The following KCTD16 variants were observed in gnomAD, a reference collection of about 807,000 sequenced individuals.
The protein encoded by KCTD16 is BTB/POZ domain-containing protein KCTD16.
Under a neutral mutation model 33.2 loss-of-function variants are expected in KCTD16, and 13 were observed. The ratio of observed to expected loss-of-function variants is 0.39; its 90% CI spans 0.25 to 0.62. The LOEUF (loss-of-function observed/expected upper bound fraction) is 0.62. KCTD16 is among the 20% of genes least tolerant of loss of function. The pLI, the probability that KCTD16 is intolerant of heterozygous loss-of-function variation, is 0.50. For missense variants in KCTD16, 441 were observed against 525.1 expected, an observed-to-expected ratio of 0.84 and a Z score of 1.57; for synonymous variants, 197 against 195.3, an observed-to-expected ratio of 1.01 and a Z score of -0.07.
chr5:144,201,935 G>C (rs1291157497), intron 2 of KCTD16, among the ~76,000 whole-genome samples: 1 of 152,220 alleles, frequency 6.6e-6, no homozygotes, highest in African/African-American at 2.4e-5. Context: ...GGATGTGTTA[G>C]GAGTGAGAAT....
chr5:144,373,527 A>G (rs1752016651), intron 3 of KCTD16, among the ~76,000 whole-genome samples: 1 of 152,200 alleles, frequency 6.6e-6, no homozygotes, highest in South Asian at 2.1e-4. Flanking sequence ...ATCTAGAGAT[A>G]ACTACACTTG....
At chr5:144,402,547 G>A (rs1752727476) in intron 3 of KCTD16, among the ~76,000 whole-genome samples, 1 of 152,116 alleles carries the variant, frequency 6.6e-6, no homozygotes, top group Non-Finnish European at 1.5e-5. Flanking sequence ...ACAAGTTATT[G>A]TTTCTTGACC....
At chr5:144,318,842 T>C (rs527423540) in intron 3 of KCTD16, among the ~76,000 whole-genome samples, 17 of 152,342 alleles carry the variant, frequency 1.1e-4, no homozygotes, top group Admixed American at 6.5e-4. Flanking sequence ...ATGGTTCACA[T>C]TTTAATTGCT....
At position 144,362,221 on chromosome 5, in the gene KCTD16, C is replaced by T. The variant is rs539507951; in HGVS notation, c.833-111439C>T. On this transcript the variant is annotated intron_variant, in intron 3 of 3. Coordinates refer to ENST00000512467, the MANE Select transcript of KCTD16 (RefSeq NM_020768.4). Reference sequence around the variant, plus strand: ...TTTTAGACCCCAAGAATTTCAGGGCCCAGTAGGCAAAGTTGATATCCAGGT... The same window carrying T: ...TTTTAGACCCCAAGAATTTCAGGGCTCAGTAGGCAAAGTTGATATCCAGGT... 2.6e-5 allele frequency among the ~76,000 whole-genome samples: 4 copies of T among 152,096 alleles called. No homozygotes were observed. In the South Asian group the frequency reaches 8.3e-4, roughly 32 times the overall value.
intron 3 of KCTD16, among the ~76,000 whole-genome samples, chr5:144,391,557 A>G (rs1295092200): frequency 6.6e-6 from 1 of 152,232 alleles, no homozygotes; most frequent in Non-Finnish European, 1.5e-5. Context: ...AAACAGATGT[A>G]CAGTCAGGAG....
At chr5:144,373,522 G>A (rs916936453) in intron 3 of KCTD16, among the ~76,000 whole-genome samples, 4 of 152,116 alleles carry the variant, frequency 2.6e-5, no homozygotes, top group Admixed American at 2.0e-4. Flanking sequence ...CCACTATCTA[G>A]AGATAACTAC....
intron 3 of KCTD16, among the ~76,000 whole-genome samples, chr5:144,383,735 G>C (rs1249817561): frequency 1.3e-5 from 2 of 151,812 alleles, no homozygotes; most frequent in Non-Finnish European, 2.9e-5. Context: ...ACGAATGAGA[G>C]TCATACATTG....
intron 3 of KCTD16, among the ~76,000 whole-genome samples, chr5:144,281,009 C>T (rs1205042705): frequency 6.7e-6 from 1 of 148,550 alleles, no homozygotes; most frequent in East Asian, 1.9e-4. Context: ...GAAACCCCGT[C>T]TCTACTAAAC....
At chr5:144,406,339 G>A (rs1306894323) in intron 3 of KCTD16, among the ~76,000 whole-genome samples, 1 of 152,212 alleles carries the variant, frequency 6.6e-6, no homozygotes, top group Non-Finnish European at 1.5e-5. Flanking sequence ...TGTGGCTGAA[G>A]GATGTTAGTT....
At chr5:144,260,456 T>C (rs1230191685) in intron 3 of KCTD16, among the ~76,000 whole-genome samples, 1 of 152,220 alleles carries the variant, frequency 6.6e-6, no homozygotes, top group African/African-American at 2.4e-5. Context: ...TGCAGCCTTC[T>C]GAAGAAGCAG....
At chr5:144,316,002 T>A (rs1437999330) in intron 3 of KCTD16, among the ~76,000 whole-genome samples, 2 of 152,094 alleles carry the variant, frequency 1.3e-5, no homozygotes, top group Admixed American at 6.6e-5. Flanking sequence ...TTTTTTTTTT[T>A]TTAAAAGGTC....
At chr5:144,413,516 T>C (rs1239381166) in intron 3 of KCTD16, among the ~76,000 whole-genome samples, 1 of 152,158 alleles carries the variant, frequency 6.6e-6, no homozygotes, top group Non-Finnish European at 1.5e-5. Flanking sequence ...TAGGGAAAAA[T>C]GTTCACGTGT....
rs373618175 is a variant in KCTD16, at chr5:144,485,099, TCTAA to T, written c.*10988_*10991del. The T allele has an allele frequency of 7.9e-5, 12 of 151,928 alleles. No homozygotes were observed. Among genetic ancestry groups the T allele is most frequent in the African/African-American group, 2.7e-4 (11 of 41,412 alleles). The allele number at this position is 151,928 out of a possible 1,614,324, so 9.4% of individuals were successfully genotyped here. A position where few individuals can be genotyped will look rare whatever the true frequency, so the allele number is the denominator to read the frequency against. ...CATAAACTACTGTGACTCTAATAAC[TCTAA>T]CTGTTTTTACCTTGGGATGTAACAC... On this transcript the variant is annotated 3_prime_UTR_variant, in exon 4 of 4. Transcript: ENST00000512467.
intron 3 of KCTD16, among the ~76,000 whole-genome samples, chr5:144,389,722 G>A (rs1024761597): frequency 1.3e-5 from 2 of 152,246 alleles, no homozygotes; most frequent in South Asian, 4.1e-4. Flanking sequence ...CAAAACAGTT[G>A]AGGGACAGCT....
At chr5:144,204,530 C>A (rs6887762) in intron 2 of KCTD16, among the ~76,000 whole-genome samples, 1 of 151,992 alleles carries the variant, frequency 6.6e-6, no homozygotes, top group Non-Finnish European at 1.5e-5. Context: ...CTTTTAGCAG[C>A]AGTGCCTTCC....
intron 3 of KCTD16, among the ~76,000 whole-genome samples, chr5:144,452,239 G>A (rs1753960713): frequency 1.3e-5 from 2 of 151,150 alleles, no homozygotes; most frequent in South Asian, 4.2e-4. Flanking sequence ...TCCTGAGATT[G>A]AACATGTGGC....
intron 3 of KCTD16, among the ~76,000 whole-genome samples, chr5:144,222,015 C>A (rs1319707058): frequency 6.6e-6 from 1 of 152,148 alleles, no homozygotes; most frequent in Non-Finnish European, 1.5e-5. Flanking sequence ...CTCTAATGAC[C>A]AGTGATGATG....
rs775580603 is a variant in KCTD16, at chr5:144,482,352, T to C, written c.*8238T>C. On this transcript the variant is annotated 3_prime_UTR_variant, in exon 4 of 4. Coordinates refer to ENST00000512467, the MANE Select transcript of KCTD16 (RefSeq NM_020768.4). The stretch of plus-strand genomic sequence containing the variant: ...AGAACAAGTATCTGGTGAGTACTGA[T>C]ACCCTAAGAAACTCACCGTGATAAG... 6.6e-5 allele frequency: 10 copies of C among 152,076 alleles called. No homozygotes were observed. The highest frequency in any genetic ancestry group is 1.2e-4 in the Non-Finnish European group (8 of 67,920). 9.4% of individuals were successfully genotyped at this position (152,076 alleles called of 1,614,324 possible).
At chr5:144,365,322 C>T (rs1751808376) in intron 3 of KCTD16, among the ~76,000 whole-genome samples, 1 of 152,058 alleles carries the variant, frequency 6.6e-6, no homozygotes, top group Admixed American at 6.6e-5. Flanking sequence ...TCTAAACGGT[C>T]TTACGTTATA....
Sources: gnomAD v4.1 joint callset for allele counts (sites outside exome capture counted in the v4.1 genomes callset) on GRCh38, gnomAD v4.1.1 for gene constraint, MANE v1.5 for transcripts, NCBI Gene and HGNC (gene_info 2026-07-23, HGNC 2026-07-21) for gene names.